Variants in LRRC4C observed in about 807,000 individuals in gnomAD.
The protein encoded by LRRC4C is leucine-rich repeat-containing protein 4C.
A neutral mutation model predicts 33.6 loss-of-function variants in LRRC4C; 5 were observed. The ratio of observed to expected loss-of-function variants is 0.15; its 90% CI spans 0.08 to 0.31. LRRC4C has a LOEUF of 0.31. Among genes scored for constraint, LRRC4C ranks in the 10% least tolerant of loss-of-function variants. The pLI is 1.00. For missense variants in LRRC4C, 560 were observed against 796.7 expected (o/e 0.70, Z 3.58); for synonymous variants, 329 against 302.0 (o/e 1.09, Z -0.93).
intron 3 of LRRC4C, among the ~76,000 whole-genome samples, chr11:40,475,564 C>T (rs573767914): frequency 3.3e-5 from 5 of 152,134 alleles, no homozygotes; most frequent in South Asian, 4.2e-4. Context: ...CAAACGTTCA[C>T]GTTCTGCCCA....
intron 4 of LRRC4C, 125 bp downstream of exon 4, chr11:40,319,503 T>C (rs529750589): frequency 1.3e-5 from 2 of 152,226 alleles, no homozygotes; most frequent in Non-Finnish European, 2.9e-5. Context: ...GCATCATTAA[T>C]AAAAGCAATG....
chr11:41,086,924 A>G (rs957437728), intron 1 of LRRC4C, among the ~76,000 whole-genome samples: 5 of 151,602 alleles, frequency 3.3e-5, no homozygotes, highest in African/African-American at 4.8e-5. Flanking sequence ...ACTCACTAAC[A>G]TTGTTTCTTC....
chr11:40,634,622 T>C (rs1963790778), intron 3 of LRRC4C, among the ~76,000 whole-genome samples: 1 of 152,040 alleles, frequency 6.6e-6, no homozygotes, highest in Non-Finnish European at 1.5e-5. Context: ...GTAATCCTAG[T>C]ACTTTGGAAG....
chr11:41,168,903 G>A (rs1944848879), intron 1 of LRRC4C, among the ~76,000 whole-genome samples: 1 of 152,128 alleles, frequency 6.6e-6, no homozygotes, highest in African/African-American at 2.4e-5. Context: ...GCAGATTTGA[G>A]ACAGAAGTAA....
intron 4 of LRRC4C, among the ~76,000 whole-genome samples, chr11:40,302,129 A>G (rs1395677679): frequency 6.6e-6 from 1 of 152,220 alleles, no homozygotes; most frequent in African/African-American, 2.4e-5. Flanking sequence ...CTTGTGGCTA[A>G]TAAAGACTGT....
intron 1 of LRRC4C, among the ~76,000 whole-genome samples, chr11:41,223,740 G>T (rs958135951): frequency 2.0e-5 from 3 of 152,170 alleles, no homozygotes; most frequent in African/African-American, 7.2e-5. Context: ...ATGTTAAAGA[G>T]CTGGAACTCT....
rs185930252 is a variant in LRRC4C, at chr11:41,187,333, A to T, written c.-495-253610T>A. 1.0e-3 allele frequency among the ~76,000 whole-genome samples: 152 copies of T among 152,324 alleles called. 1 individual carries two copies. The highest frequency in any genetic ancestry group is 3.5e-3 in the African/African-American group (147 of 41,590). Reference sequence around the variant, plus strand: ...AGTGTCTGGACGTTGAGAAGAACACACTGGCAGAAGAGGACACAAGTAACT... The same window carrying T: ...AGTGTCTGGACGTTGAGAAGAACACTCTGGCAGAAGAGGACACAAGTAACT... On this transcript the variant is annotated intron_variant, in intron 1 of 6. Coordinates refer to ENST00000528697, the MANE Select transcript of LRRC4C (RefSeq NM_001258419.2).
chr11:40,908,316 A>G (rs1002172052), intron 2 of LRRC4C, among the ~76,000 whole-genome samples: 4 of 152,162 alleles, frequency 2.6e-5, no homozygotes, highest in Non-Finnish European at 5.9e-5. Context: ...CAAGCCAAAA[A>G]AAGCATACTT....
intron 4 of LRRC4C, among the ~76,000 whole-genome samples, chr11:40,303,915 C>A (rs183891846): frequency 1.3e-3 from 200 of 152,336 alleles, no homozygotes; most frequent in African/African-American, 4.7e-3. Context: ...TTCAACCTTT[C>A]ATAAACCAAT....
chr11:40,415,917 G>A, intron 3 of LRRC4C, among the ~76,000 whole-genome samples: 1 of 152,172 alleles, frequency 6.6e-6, no homozygotes. Flanking sequence ...ACGCATGTAT[G>A]AGCTATGAAA....
intron 1 of LRRC4C, among the ~76,000 whole-genome samples, chr11:41,440,630 C>T (rs1955586789): frequency 1.3e-5 from 2 of 152,010 alleles, no homozygotes; most frequent in African/African-American, 4.8e-5. Context: ...GGTTCTATGT[C>T]CCCACCGAAA....
intron 3 of LRRC4C, chr11:40,446,461 C>T (rs1316500686): frequency 1.3e-5 from 2 of 152,092 alleles, no homozygotes; most frequent in African/African-American, 4.8e-5. Context: ...TCAACTTTCT[C>T]CTTACTTGAT....
intron 3 of LRRC4C, among the ~76,000 whole-genome samples, chr11:40,595,091 G>T (rs1223732835): frequency 1.3e-5 from 2 of 151,712 alleles, no homozygotes; most frequent in African/African-American, 4.8e-5. Flanking sequence ...TACACAATTT[G>T]ATTTTATTTT....
At chr11:40,352,668 T>C (rs564494232) in intron 3 of LRRC4C, among the ~76,000 whole-genome samples, 7 of 152,286 alleles carry the variant, frequency 4.6e-5, no homozygotes, top group African/African-American at 1.4e-4. Flanking sequence ...TTACTTTCAA[T>C]AATAAGTTTT....
At chr11:40,665,919 G>A (rs761371359) in intron 2 of LRRC4C, among the ~76,000 whole-genome samples, 1 of 151,982 alleles carries the variant, frequency 6.6e-6, no homozygotes, top group African/African-American at 2.4e-5. Flanking sequence ...TGTTATTTAT[G>A]TATATACAAA....
rs1401117596 is a variant in LRRC4C, at chr11:40,729,117, C to T, written c.-406-80839G>A. Among the ~76,000 whole-genome samples, 5 of 152,018 alleles carry T rather than the reference C, an allele frequency of 3.3e-5. No homozygotes were observed. In the East Asian group the frequency reaches 9.7e-4, roughly 29 times the overall value. Reference sequence around the variant, plus strand: ...CCTGTGTAATAAAACTGCACATGTACCCCCATATCTAAAATAAAAATTGAA... The same window carrying T: ...CCTGTGTAATAAAACTGCACATGTATCCCCATATCTAAAATAAAAATTGAA... On this transcript the variant is annotated intron_variant, in intron 2 of 6. Transcript: ENST00000528697.
At chr11:40,906,731 T>A (rs762591250) in intron 2 of LRRC4C, among the ~76,000 whole-genome samples, 10 of 152,158 alleles carry the variant, frequency 6.6e-5, no homozygotes, top group Non-Finnish European at 1.5e-4. Context: ...TGTATGTGTG[T>A]GTATTTACAA....
chr11:40,858,751 G>A (rs780643704), intron 2 of LRRC4C, among the ~76,000 whole-genome samples: 9 of 149,592 alleles, frequency 6.0e-5, no homozygotes, highest in Non-Finnish European at 1.2e-4. Context: ...AAGACATTGG[G>A]ACTAAGCTTA....
chr11:40,522,920 G>A (rs1031372395), intron 3 of LRRC4C, among the ~76,000 whole-genome samples: 2 of 152,066 alleles, frequency 1.3e-5, no homozygotes, highest in African/African-American at 4.8e-5. Flanking sequence ...GTGTATGTAT[G>A]TATATTTTAC....
Sources: allele counts gnomAD v4.1 joint callset (sites outside exome capture counted in the v4.1 genomes callset), GRCh38; gene constraint gnomAD v4.1.1; transcripts MANE v1.5; gene names NCBI Gene and HGNC (gene_info 2026-07-23, HGNC 2026-07-21).